The following MYO9B variants were observed in gnomAD, a reference collection of about 807,000 sequenced individuals.
MYO9B encodes myosin IXB.
MYO9B carries 71 observed loss-of-function variants against 229.5 expected under a neutral mutation model. The ratio of observed to expected loss-of-function variants is 0.31; its 90% CI spans 0.26 to 0.38. The LOEUF is 0.38. Ranked by LOEUF, MYO9B falls within the 10% of genes least tolerant of loss-of-function variation. The pLI is 1.00. For synonymous variants in MYO9B, 1,185 were observed against 1,235.8 expected (o/e 0.96, Z 0.86); for missense variants, 2,255 against 2,920.5 (o/e 0.77, Z 5.25).
chr19:17,196,998 G>A (rs906244114), intron 22 of MYO9B, among the ~76,000 whole-genome samples: 9 of 152,200 alleles, frequency 5.9e-5, no homozygotes, highest in South Asian at 4.1e-4. Flanking sequence ...AGGTAGAGCC[G>A]GGTTCGGGGG....
intron 19 of MYO9B, among the ~76,000 whole-genome samples, chr19:17,188,390 C>T (rs946219388): frequency 1.0e-4 from 15 of 144,024 alleles, no homozygotes; most frequent in African/African-American, 3.9e-4. Context: ...GATTGAGCCA[C>T]TGCACTCCAG....
At chr19:17,155,731 C>T (rs1039941466) in intron 6 of MYO9B, among the ~76,000 whole-genome samples, 3 of 151,660 alleles carry the variant, frequency 2.0e-5, no homozygotes, top group African/African-American at 7.3e-5. Context: ...TAAGATGGCA[C>T]CTCTGGCCCG....
chr19:17,206,424 T>C (rs1276691875), intron 33 of MYO9B, 48 bp downstream of exon 33: 4 of 1,594,756 alleles, frequency 2.5e-6, no homozygotes, highest in Admixed American at 3.4e-5. Flanking sequence ...ACAGCCAGGA[T>C]ACAGCGTTCG....
chr19:17,149,034 G>C (rs1306432184), intron 3 of MYO9B, among the ~76,000 whole-genome samples: 1 of 152,110 alleles, frequency 6.6e-6, no homozygotes, highest in African/African-American at 2.4e-5. Context: ...GAGTACAATG[G>C]CATGATTATG....
intron 19 of MYO9B, 58 bp from the exon 20 acceptor site, chr19:17,191,036 TCTC>T: frequency 6.5e-7 from 1 of 1,531,978 alleles, no homozygotes; most frequent in East Asian, 2.3e-5. Flanking sequence ...CAGATCTCTG[TCTC>T]CTCATCGCTG....
chr19:17,192,850 G>T lies in MYO9B; in HGVS notation c.2916G>T (p.Glu972Asp). Reference sequence around the variant, plus strand: ...AGAGCTGGTTCCGGATGGTGCTGGAGCGTCGGCACTTCCTGCAGATGAAGC... The same window carrying T: ...AGAGCTGGTTCCGGATGGTGCTGGATCGTCGGCACTTCCTGCAGATGAAGC... ...LLQSWFRMVL[E>D]RRHFLQMKRA... Residue 972 changes from glutamate (E) to aspartate (D), a missense_variant, in exon 21 of 40, where the codon GAG (glutamate) becomes GAT (aspartate). Physicochemically the swap from Glu to Asp is conservative, Grantham distance 45. Transcript: ENST00000682292. 1 of 1,552,000 alleles carries T rather than the reference G, an allele frequency of 6.4e-7. No homozygotes were observed. The highest frequency in any genetic ancestry group is 8.7e-7 in the Non-Finnish European group (1 of 1,147,992).
At position 17,100,553 on chromosome 19, in the gene MYO9B, A is replaced by G. The variant is rs74779839; in HGVS notation, c.-58-1107A>G. On this transcript the variant is annotated intron_variant, in intron 1 of 39. Coordinates refer to ENST00000682292, the MANE Select transcript of MYO9B (RefSeq NM_004145.4). ...ACCTTCCTGGTGTGCTTCTGGTGTC[A>G]CTAGCTCTTCCATTCAAGCCCTCTC... 2.3e-4 allele frequency among the ~76,000 whole-genome samples: 35 copies of G among 152,270 alleles called. No homozygotes were observed. The East Asian group carries it at 6.8e-3, about 29-fold the overall frequency.
intron 13 of MYO9B, 52 bp from the exon 14 acceptor site, chr19:17,175,611 C>A: frequency 7.6e-7 from 1 of 1,321,328 alleles, no homozygotes; most frequent in Non-Finnish European, 1.0e-6. Context: ...AAAATAATTG[C>A]AGCCTCCATA....
At chr19:17,179,099 A>AC (rs1274791542) in intron 14 of MYO9B, among the ~76,000 whole-genome samples, 1 of 150,386 alleles carries the variant, frequency 6.6e-6, no homozygotes, top group Non-Finnish European at 1.5e-5. Context: ...TGGGGTGGGC[A>AC]CCCGTCCTGT....
In MYO9B at chr19:17,152,573, A is replaced by G. The variant is rs949823413; in HGVS notation, c.936-71A>G. On this transcript the variant is annotated intron_variant, in intron 3 of 39. Transcript: ENST00000682292. ...GCGAGACTCCCATCTCAAAAAAAAAAAAAACAACTCAATATTAACACAATA... is the reference window on the plus strand; with the variant it reads ...GCGAGACTCCCATCTCAAAAAAAAAGAAAACAACTCAATATTAACACAATA... 7.8e-6 allele frequency: 11 copies of G among 1,413,970 alleles called. No individual in the cohort carries two copies. The African/African-American group carries it at 1.3e-4, about 17-fold the overall frequency. The allele number at this position is 1,413,970 out of a possible 1,614,324, so 87.6% of individuals were successfully genotyped here.
At chr19:17,178,550 A>G (rs2072817241) in intron 14 of MYO9B, 1 of 151,782 alleles carries the variant, frequency 6.6e-6, no homozygotes. Context: ...AACATTTGTC[A>G]TTTAGACATT....
intron 1 of MYO9B, among the ~76,000 whole-genome samples, chr19:17,090,709 GT>G (rs572896754): frequency 0.013 from 1,936 of 152,274 alleles, 51 homozygotes; most frequent in African/African-American, 0.043. Context: ...CATGAGTCAG[GT>G]GGTAGAGCGG....
At chr19:17,103,871 CATG>C (rs547285965) in intron 2 of MYO9B, 165 of 152,102 alleles carry the variant, frequency 1.1e-3, no homozygotes, top group African/African-American at 3.9e-3. Flanking sequence ...GCCTGGCCAA[CATG>C]ATGAAACCTC....
Position 17,198,064 on chromosome 19 carries a change from A to G in MYO9B, c.4114-120A>G, listed in dbSNP as rs1159260380. 21 of 1,100,394 alleles carry G rather than the reference A, an allele frequency of 1.9e-5. No individual in the cohort carries two copies. In the South Asian group the frequency reaches 3.3e-4, roughly 18 times the overall value. The allele number at this position is 1,100,394 out of a possible 1,614,324, so 68.2% of individuals were successfully genotyped here. A position where few individuals can be genotyped will look rare whatever the true frequency, so the allele number is the denominator to read the frequency against. ...GCAACTAGAGTGAGACTCCGTTTCA[A>G]AAAAAAAAAAAGCAGGAAGTGAGGT... On this transcript the variant is annotated intron_variant, in intron 23 of 39. Transcript: ENST00000682292.
intron 11 of MYO9B, among the ~76,000 whole-genome samples, chr19:17,170,338 T>C (rs1195841669): frequency 1.3e-5 from 2 of 152,116 alleles, no homozygotes; most frequent in African/African-American, 2.4e-5. Flanking sequence ...GGTTAAGATA[T>C]GGACATATTG....
intron 2 of MYO9B, among the ~76,000 whole-genome samples, chr19:17,110,798 T>G (rs1395694445): frequency 3.3e-5 from 5 of 152,062 alleles, no homozygotes; most frequent in Admixed American, 3.3e-4. Context: ...CACCCGAAGT[T>G]GTGCCGATGC....
chr19:17,096,380 A>C (rs2057688558), intron 1 of MYO9B, among the ~76,000 whole-genome samples: 1 of 152,120 alleles, frequency 6.6e-6, no homozygotes, highest in Non-Finnish European at 1.5e-5. Context: ...TCTAAAGCAG[A>C]TGAGGGCCAG....
At chr19:17,184,442 G>T (rs1337329468) in intron 16 of MYO9B, 3 of 178,018 alleles carry the variant, frequency 1.7e-5, no homozygotes, top group Non-Finnish European at 1.2e-5. Flanking sequence ...TCAGCTGATA[G>T]AACTGGCTGA....
chr19:17,094,058 C>T (rs925165714), intron 1 of MYO9B, among the ~76,000 whole-genome samples: 14 of 134,246 alleles, frequency 1.0e-4, no homozygotes, highest in African/African-American at 3.8e-4. Flanking sequence ...GTTGTTAAGA[C>T]GGAGTTTTGC....
Sources: gnomAD v4.1 joint callset for allele counts (sites outside exome capture counted in the v4.1 genomes callset) on GRCh38, gnomAD v4.1.1 for gene constraint, MANE v1.5 for transcripts, NCBI Gene and HGNC (gene_info 2026-07-23, HGNC 2026-07-21) for gene names.